STK32B: variants seen among roughly 807,000 people sequenced by gnomAD.
The protein encoded by STK32B is serine/threonine-protein kinase 32B.
STK32B carries 43 observed loss-of-function variants against 52.6 expected under a neutral mutation model. The observed-to-expected ratio is 0.82, with a 90% CI of 0.64 to 1.05. The LOEUF (loss-of-function observed/expected upper bound fraction) is 1.05. STK32B is among the 50% of genes least tolerant of loss of function. STK32B has a pLI of 0.00. For missense variants in STK32B, 621 were observed against 534.6 expected (o/e 1.16, Z -1.59); for synonymous variants, 238 against 204.3 (o/e 1.17, Z -1.41).
intron 3 of STK32B, among the ~76,000 whole-genome samples, chr4:5,230,177 C>CTTTTTTTTT (rs1724153940): frequency 1.0e-5 from 1 of 98,484 alleles, no homozygotes; most frequent in Non-Finnish European, 1.9e-5. Context: ...GCATGCATTC[C>CTTTTTTTTT]CTTTTTTTTT....
chr4:5,370,373 C>G (rs1207153223), intron 4 of STK32B, among the ~76,000 whole-genome samples: 3 of 152,160 alleles, frequency 2.0e-5, no homozygotes, highest in Admixed American at 6.5e-5. Flanking sequence ...TTTAGAAACT[C>G]TTTGGAGAGA....
chr4:5,370,992 G>GTGTGTATATATATATATATGTATATATA (rs1735190057), intron 4 of STK32B, among the ~76,000 whole-genome samples: 3 of 146,320 alleles, frequency 2.1e-5, no homozygotes, highest in Non-Finnish European at 4.4e-5. Flanking sequence ...ATATGTGTGT[G>GTGTGTATATATATATATATGTATATATA]TGTGTATATA....
intron 1 of STK32B, among the ~76,000 whole-genome samples, chr4:5,127,685 G>C (rs918657508): frequency 6.6e-6 from 1 of 152,202 alleles, no homozygotes; most frequent in African/African-American, 2.4e-5. Context: ...TGTGAGGACA[G>C]AGGCAGAGGT....
chr4:5,115,309 C>T (rs1334680011), intron 1 of STK32B, among the ~76,000 whole-genome samples: 1 of 152,138 alleles, frequency 6.6e-6, no homozygotes, highest in Non-Finnish European at 1.5e-5. Flanking sequence ...CTAATCTCTG[C>T]ATCAGCATAC....
intron 3 of STK32B, among the ~76,000 whole-genome samples, chr4:5,268,327 C>T (rs1727182844): frequency 6.6e-6 from 1 of 152,190 alleles, no homozygotes; most frequent in South Asian, 2.1e-4. Flanking sequence ...AAGCTCATTC[C>T]ATACTCAGGA....
intron 6 of STK32B, among the ~76,000 whole-genome samples, chr4:5,438,998 A>G (rs1159374118): frequency 1.3e-5 from 2 of 151,552 alleles, no homozygotes; most frequent in Admixed American, 6.6e-5. Flanking sequence ...AATCCAGTCT[A>G]TCATTGTTGG....
At chr4:5,456,978 C>G (rs900789859) in intron 8 of STK32B, 55 bp downstream of exon 8, 4 of 1,277,354 alleles carry the variant, frequency 3.1e-6, no homozygotes, top group Non-Finnish European at 3.2e-6. Context: ...AGTGTAGAAA[C>G]AGCCATATCA....
At chr4:5,485,339 C>T (rs1719064069) in intron 11 of STK32B, among the ~76,000 whole-genome samples, 1 of 152,166 alleles carries the variant, frequency 6.6e-6, no homozygotes, top group Non-Finnish European at 1.5e-5. Flanking sequence ...TCATTCATTT[C>T]ATCTTCCATC....
intron 4 of STK32B, among the ~76,000 whole-genome samples, chr4:5,349,463 A>G (rs1333202010): frequency 6.6e-6 from 1 of 152,192 alleles, no homozygotes; most frequent in Non-Finnish European, 1.5e-5. Flanking sequence ...CTGCCAACAC[A>G]ATATACACAT....
the STK32B span, among the ~76,000 whole-genome samples, chr4:5,037,881 G>A: frequency 2.4e-3 from 364 of 152,270 alleles, 1 homozygote; most frequent in African/African-American, 8.6e-3. Flanking sequence ...GTTCCTGCTG[G>A]TGCCTGGCAT....
At chr4:5,222,698 C>A (rs146414465) in intron 3 of STK32B, among the ~76,000 whole-genome samples, 307 of 152,284 alleles carry the variant, frequency 2.0e-3, no homozygotes, top group Non-Finnish European at 3.7e-3. Flanking sequence ...CTGATAACTT[C>A]TCTTAATTGA....
intron 3 of STK32B, among the ~76,000 whole-genome samples, chr4:5,259,159 ACCT>A (rs1726536759): frequency 6.6e-6 from 1 of 151,148 alleles, no homozygotes; most frequent in Non-Finnish European, 1.5e-5. Context: ...TTACCCACAC[ACCT>A]CCTCTATTTT....
At chr4:5,111,830 T>G (rs1714423187) in intron 1 of STK32B, among the ~76,000 whole-genome samples, 1 of 152,126 alleles carries the variant, frequency 6.6e-6, no homozygotes, top group Non-Finnish European at 1.5e-5. Context: ...ACAAGCAGAT[T>G]CTGAGACAAG....
At chr4:5,428,581 T>A (rs900334904) in intron 6 of STK32B, among the ~76,000 whole-genome samples, 3 of 152,210 alleles carry the variant, frequency 2.0e-5, no homozygotes, top group African/African-American at 7.2e-5. Flanking sequence ...TGATCTATCT[T>A]GGTTAATATT....
intron 4 of STK32B, among the ~76,000 whole-genome samples, chr4:5,339,328 G>A (rs1385554064): frequency 6.6e-6 from 1 of 152,064 alleles, no homozygotes; most frequent in Non-Finnish European, 1.5e-5. Flanking sequence ...TTGTTTTTCT[G>A]GAGAACCCTG....
chr4:5,448,656 G>C (rs975475905), intron 7 of STK32B, among the ~76,000 whole-genome samples: 1 of 152,156 alleles, frequency 6.6e-6, no homozygotes, highest in Non-Finnish European at 1.5e-5. Flanking sequence ...TGAGTTTTCT[G>C]CTGAAAGATC....
At chr4:5,063,326 A>T (rs1453806267) in intron 1 of STK32B, among the ~76,000 whole-genome samples, 1 of 152,136 alleles carries the variant, frequency 6.6e-6, no homozygotes, top group Admixed American at 6.6e-5. Flanking sequence ...ATTTAACCAA[A>T]CATACCCCAA....
chr4:5,023,576 G>A, the STK32B span, among the ~76,000 whole-genome samples: 7 of 152,180 alleles, frequency 4.6e-5, no homozygotes, highest in East Asian at 9.7e-4. Flanking sequence ...GAGGTGTGGC[G>A]ATGTTAAGAC....
At chr4:5,075,475 T>C (rs1464869053) in intron 1 of STK32B, among the ~76,000 whole-genome samples, 1 of 152,120 alleles carries the variant, frequency 6.6e-6, no homozygotes, top group African/African-American at 2.4e-5. Context: ...GTGTTTTTGA[T>C]TTTTTAAAAA....
Sources: allele counts gnomAD v4.1 joint callset (sites outside exome capture counted in the v4.1 genomes callset), GRCh38; gene constraint gnomAD v4.1.1; transcripts MANE v1.5; gene names NCBI Gene and HGNC (gene_info 2026-07-23, HGNC 2026-07-21).